DLGAP2: variants seen among roughly 807,000 people sequenced by gnomAD.
The protein encoded by DLGAP2 is disks large-associated protein 2.
Under a neutral mutation model 100.3 loss-of-function variants are expected in DLGAP2, and 26 were observed. The ratio of observed to expected loss-of-function variants is 0.26; its 90% confidence interval spans 0.19 to 0.36. DLGAP2 has a LOEUF of 0.36. Among genes scored for constraint, DLGAP2 ranks in the 10% least tolerant of loss-of-function variants. DLGAP2 has a pLI of 1.00. For synonymous variants in DLGAP2, 886 were observed against 630.1 expected (o/e 1.41, Z -6.08); for missense variants, 1,858 against 1,453.2 (o/e 1.28, Z -4.53).
chr8:1,414,188 C>T (rs1013201177), intron 3 of DLGAP2, among the ~76,000 whole-genome samples: 3 of 152,074 alleles, frequency 2.0e-5, no homozygotes, highest in African/African-American at 4.8e-5. Context: ...GACTTATATT[C>T]GTAAAGATGG....
At chr8:1,331,984 A>G (rs1801167657) in intron 3 of DLGAP2, among the ~76,000 whole-genome samples, 1 of 152,194 alleles carries the variant, frequency 6.6e-6, no homozygotes, top group Non-Finnish European at 1.5e-5. Context: ...GAACAGCCCC[A>G]GGGTGGGCCA....
intron 8 of DLGAP2, among the ~76,000 whole-genome samples, chr8:1,637,353 C>A (rs970865459): frequency 6.6e-6 from 1 of 152,042 alleles, no homozygotes; most frequent in African/African-American, 2.4e-5. Context: ...CCTCCAAACA[C>A]GTCTTCTCCT....
chr8:775,216 C>T (rs1434032983), intron 1 of DLGAP2, among the ~76,000 whole-genome samples: 1 of 151,698 alleles, frequency 6.6e-6, no homozygotes, highest in Non-Finnish European at 1.5e-5. Flanking sequence ...TGAGACTTTG[C>T]TGAAGTTGCT....
chr8:1,051,387 G>A (rs1457155957), intron 2 of DLGAP2, among the ~76,000 whole-genome samples: 12 of 152,056 alleles, frequency 7.9e-5, no homozygotes, highest in Admixed American at 7.9e-4. Flanking sequence ...GATGCAGAAT[G>A]ATCCAATACC....
At chr8:1,368,073 C>A (rs1193395124) in intron 3 of DLGAP2, among the ~76,000 whole-genome samples, 1 of 152,168 alleles carries the variant, frequency 6.6e-6, no homozygotes, top group Non-Finnish European at 1.5e-5. Flanking sequence ...CCTATCACGG[C>A]GGCCTCCTGT....
intron 2 of DLGAP2, among the ~76,000 whole-genome samples, chr8:980,467 CTG>C (rs1249035828): frequency 2.0e-5 from 3 of 152,210 alleles, no homozygotes; most frequent in African/African-American, 7.2e-5. Context: ...TTTCCATTTC[CTG>C]TGTCATCCTT....
chr8:854,714 GC>G (rs1242378057), intron 1 of DLGAP2, among the ~76,000 whole-genome samples: 2 of 152,170 alleles, frequency 1.3e-5, no homozygotes, highest in Non-Finnish European at 2.9e-5. Flanking sequence ...GACATGGAGG[GC>G]CAGGGCTGTC....
At chr8:869,137 C>A (rs1797552102) in intron 1 of DLGAP2, among the ~76,000 whole-genome samples, 1 of 152,126 alleles carries the variant, frequency 6.6e-6, no homozygotes, top group Non-Finnish European at 1.5e-5. Context: ...CTCTCTTCTT[C>A]CCCTTTATTT....
chr8:1,038,609 A>T (rs902703330), intron 2 of DLGAP2, among the ~76,000 whole-genome samples: 1 of 152,240 alleles, frequency 6.6e-6, no homozygotes, highest in Non-Finnish European at 1.5e-5. Flanking sequence ...GATAATTTGG[A>T]TAAATTGAAA....
At chr8:1,135,503 G>GCTTTTTT (rs1554490362) in intron 2 of DLGAP2, among the ~76,000 whole-genome samples, 1 of 92,194 alleles carries the variant, frequency 1.1e-5, no homozygotes, top group Non-Finnish European at 2.0e-5. Flanking sequence ...TTTTTTGTGG[G>GCTTTTTT]TTTTTTTTTT....
chr8:998,333 C>A (rs1800846745), intron 2 of DLGAP2, among the ~76,000 whole-genome samples: 1 of 152,220 alleles, frequency 6.6e-6, no homozygotes, highest in African/African-American at 2.4e-5. Flanking sequence ...CAGGGTCTTG[C>A]TCTGTCACCC....
At chr8:1,633,145 G>T (rs1797691831) in intron 8 of DLGAP2, 99 bp downstream of exon 8, 1 of 1,137,106 alleles carries the variant, frequency 8.8e-7, no homozygotes, top group South Asian at 1.4e-5. Flanking sequence ...ACAGTACAAT[G>T]TACTCTCCTG....
intron 3 of DLGAP2, among the ~76,000 whole-genome samples, chr8:1,366,118 A>G (rs937951817): frequency 2.6e-5 from 4 of 152,242 alleles, no homozygotes; most frequent in Non-Finnish European, 4.4e-5. Context: ...CTGGGGATTC[A>G]TCAAGTTTTT....
chr8:839,684 G>C (rs886251592), intron 1 of DLGAP2, among the ~76,000 whole-genome samples: 10 of 152,208 alleles, frequency 6.6e-5, no homozygotes, highest in Admixed American at 6.5e-4. Context: ...GCCTCGTCCT[G>C]GTCAGCACCC....
intron 12 of DLGAP2, among the ~76,000 whole-genome samples, chr8:1,690,058 C>A (rs975006986): frequency 6.6e-6 from 1 of 152,150 alleles, no homozygotes; most frequent in Non-Finnish European, 1.5e-5. Context: ...TGACAGCAGA[C>A]TCAAGAGAGG....
intron 2 of DLGAP2, among the ~76,000 whole-genome samples, chr8:1,131,678 C>T (rs1019750576): frequency 4.0e-5 from 6 of 150,910 alleles, no homozygotes; most frequent in Admixed American, 1.3e-4. Flanking sequence ...AGATGTTTGC[C>T]GGACGCGGCT....
chr8:1,069,906 TC>T (rs780137961), intron 2 of DLGAP2, among the ~76,000 whole-genome samples: 1 of 152,094 alleles, frequency 6.6e-6, no homozygotes, highest in East Asian at 1.9e-4. Flanking sequence ...TCCCCTCCCG[TC>T]CTCCTTTTGC....
intron 2 of DLGAP2, among the ~76,000 whole-genome samples, chr8:1,227,472 C>T (rs972184806): frequency 2.0e-5 from 3 of 151,028 alleles, no homozygotes; most frequent in Non-Finnish European, 4.4e-5. Flanking sequence ...TGCAGGCAGC[C>T]TACAGTTGAG....
At chr8:1,267,074 A>G (rs1017480997) in intron 3 of DLGAP2, among the ~76,000 whole-genome samples, 1 of 151,896 alleles carries the variant, frequency 6.6e-6, no homozygotes, top group Non-Finnish European at 1.5e-5. Context: ...TAAAAATACA[A>G]AAACAAAATT....
Sources: gnomAD v4.1 joint callset for allele counts (sites outside exome capture counted in the v4.1 genomes callset) on GRCh38, gnomAD v4.1.1 for gene constraint, MANE v1.5 for transcripts, NCBI Gene and HGNC (gene_info 2026-07-23, HGNC 2026-07-21) for gene names.